MYO9A: variants seen among roughly 807,000 people sequenced by gnomAD.
MYO9A encodes myosin IXA.
A neutral mutation model predicts 293.3 loss-of-function variants in MYO9A; 103 were observed. The observed-to-expected ratio is 0.35, with a 90% CI of 0.30 to 0.41. The LOEUF is 0.41. Among genes scored for constraint, MYO9A ranks in the 10% least tolerant of loss-of-function variants. The pLI, the probability that MYO9A is intolerant of heterozygous loss-of-function variation, is 1.00. For synonymous variants in MYO9A, 1,001 were observed against 1,035.7 expected, an observed-to-expected ratio of 0.97 and a Z score of 0.64; for missense variants, 2,685 against 3,033.0, an observed-to-expected ratio of 0.89 and a Z score of 2.69.
intron 17 of MYO9A, 134 bp downstream of exon 17, chr15:71,935,207 C>A (rs1414626050): frequency 9.3e-6 from 9 of 964,524 alleles, no homozygotes; most frequent in Admixed American, 2.8e-5. Context: ...AACTTTGAGT[C>A]TTGTTTCAGT....
At chr15:71,829,459 C>T (rs1049896157) in intron 40 of MYO9A, among the ~76,000 whole-genome samples, 7 of 151,826 alleles carry the variant, frequency 4.6e-5, no homozygotes, top group Admixed American at 2.0e-4. Flanking sequence ...ATATTATCCC[C>T]AAGGCATACT....
intron 1 of MYO9A, among the ~76,000 whole-genome samples, chr15:72,062,752 A>AT (rs1380020377): frequency 6.6e-6 from 1 of 152,218 alleles, no homozygotes; most frequent in Non-Finnish European, 1.5e-5. Flanking sequence ...TGGGTGCTTT[A>AT]TCACACCTGT....
At chr15:71,888,952 T>C (rs1468492344) in intron 26 of MYO9A, among the ~76,000 whole-genome samples, 1 of 152,108 alleles carries the variant, frequency 6.6e-6, no homozygotes, top group Non-Finnish European at 1.5e-5. Context: ...GAAACCGCAA[T>C]GTTTAAAACA....
rs1191630041 is a variant in MYO9A at position 72,021,634 on chromosome 15, C to A, written c.999-617G>T. On this transcript the variant is annotated intron_variant, in intron 4 of 41. Coordinates refer to ENST00000356056, the MANE Select transcript of MYO9A (RefSeq NM_006901.4). ...ACTTCATATCATGCAAAGATCTTTT[C>A]CCCAGAGGCATCCATAGAAACTGAG... is the stretch of plus-strand genomic sequence containing the variant. Among the ~76,000 whole-genome samples the A allele has an allele frequency of 2.0e-5, 3 of 152,118 alleles. No homozygotes were observed. In the East Asian group the frequency reaches 5.8e-4, roughly 29 times the overall value.
At chr15:71,862,461 A>G in intron 33 of MYO9A, 39 bp downstream of exon 33, 1 of 1,442,020 alleles carries the variant, frequency 6.9e-7, no homozygotes, top group South Asian at 1.1e-5. Context: ...CAGAAATGTC[A>G]GTGGTTAAAA....
At chr15:72,087,229 G>T (rs1350169858) in intron 1 of MYO9A, among the ~76,000 whole-genome samples, 3 of 152,200 alleles carry the variant, frequency 2.0e-5, no homozygotes, top group African/African-American at 7.2e-5. Context: ...TGCTCAGGTT[G>T]ATGGGCAAGA....
intron 11 of MYO9A, among the ~76,000 whole-genome samples, chr15:71,987,320 G>T (rs1020404990): frequency 3.9e-5 from 6 of 152,132 alleles, no homozygotes; most frequent in Non-Finnish European, 8.8e-5. Context: ...CTTCTTTCCA[G>T]TTCACTGCTC....
chr15:71,883,180 C>T (rs1427625680), intron 28 of MYO9A, among the ~76,000 whole-genome samples: 1 of 152,178 alleles, frequency 6.6e-6, no homozygotes, highest in African/African-American at 2.4e-5. Context: ...TCTCAAAAAA[C>T]TGTTGTGAGG....
At chr15:72,055,792 A>T (rs191182668) in intron 1 of MYO9A, among the ~76,000 whole-genome samples, 2 of 148,582 alleles carry the variant, frequency 1.3e-5, no homozygotes, top group East Asian at 1.9e-4. Context: ...GAATGGCCAT[A>T]AAAAAAATCA....
intron 1 of MYO9A, among the ~76,000 whole-genome samples, chr15:72,112,772 A>G (rs530942203): frequency 6.6e-6 from 1 of 152,310 alleles, no homozygotes; most frequent in South Asian, 2.1e-4. Context: ...ATCCTCTATG[A>G]GCTGGATTAG....
chr15:71,822,681 A>G lies in MYO9A; in HGVS notation c.*3899T>C, dbSNP rs2054321775. The G allele has an allele frequency of 6.6e-6, 1 of 152,372 alleles. No individual in the cohort carries two copies. The allele number at this position is 152,372 out of a possible 1,614,324, so 9.4% of individuals were successfully genotyped here. On this transcript the variant is annotated 3_prime_UTR_variant, in exon 42 of 42. Coordinates refer to ENST00000356056, the MANE Select transcript of MYO9A (RefSeq NM_006901.4). Reference sequence around the variant, plus strand: ...CGAATCTGTAGTCCACACCTTTCCCATAGTAAATACAAATACTTGGTTCAA... The same window carrying G: ...CGAATCTGTAGTCCACACCTTTCCCGTAGTAAATACAAATACTTGGTTCAA...
At position 71,826,093 on chromosome 15, in the gene MYO9A, T is replaced by C. The variant is rs2054487893; in HGVS notation, c.*487A>G. ...CTTAAAATAGAGGGATTAGGCTTTT[T>C]GTTTGTAAGTAAGTTTTTGGAAAAA... On this transcript the variant is annotated 3_prime_UTR_variant, in exon 42 of 42. Transcript: ENST00000356056. 6.6e-6 allele frequency: 1 copy of C among 151,904 alleles called. No homozygotes were observed. Among genetic ancestry groups the C allele is most frequent in the South Asian group, 2.1e-4 (1 of 4,812 alleles). 9.4% of individuals were successfully genotyped at this position (151,904 alleles called of 1,614,324 possible). A position where few individuals can be genotyped will look rare whatever the true frequency, so the allele number is the denominator to read the frequency against.
At chr15:71,928,372 G>A (rs1452129871) in intron 18 of MYO9A, among the ~76,000 whole-genome samples, 2 of 151,810 alleles carry the variant, frequency 1.3e-5, no homozygotes, top group Admixed American at 6.6e-5. Context: ...ATCAGGTAGT[G>A]TGAGCCTCCA....
rs760563637 is a variant in MYO9A, at chr15:71,883,630, C to T, written c.5362G>A (p.Gly1788Ser). Residue 1788 changes from glycine to serine, a missense_variant, in exon 28 of 42, where the codon GGC becomes AGC. By Grantham distance (56) the Gly-to-Ser change is moderately conservative. Transcript: ENST00000356056. ...TQSEVSPLFAGTDVIPAHQFP... is the reference protein window; with the variant it reads ...TQSEVSPLFASTDVIPAHQFP... ...TGATGAGCTGGAATCACATCTGTGC[C>T]TGCAAAGAGTGGCGAAACCTCTGAC... is the stretch of plus-strand genomic sequence containing the variant. 6.2e-7 allele frequency: 1 copy of T among 1,613,542 alleles called. No homozygotes were observed. Among genetic ancestry groups the T allele is most frequent in the South Asian group, 1.1e-5 (1 of 91,024 alleles).
Position 71,876,763 on chromosome 15 carries a change from T to C in MYO9A, c.5932-925A>G, listed in dbSNP as rs549849162. 1.1e-4 allele frequency among the ~76,000 whole-genome samples: 16 copies of C among 152,238 alleles called. 1 individual carries two copies. In the South Asian group the frequency reaches 3.3e-3, roughly 32 times the overall value. ...GTTTTAAAGATTTTACTTCCCGTAT[T>C]TTAGCTGTAGAAAACTACCATGGAG... On this transcript the variant is annotated intron_variant, in intron 31 of 41. Coordinates refer to ENST00000356056, the MANE Select transcript of MYO9A (RefSeq NM_006901.4).
At chr15:71,933,905 A>C (rs531785556) in intron 17 of MYO9A, among the ~76,000 whole-genome samples, 196 bp from the exon 18 acceptor site, 1 of 152,260 alleles carries the variant, frequency 6.6e-6, no homozygotes, top group East Asian at 1.9e-4. Context: ...ATAAACAAGG[A>C]AAAGATACCT....
intron 28 of MYO9A, 57 bp downstream of exon 28, chr15:71,883,537 T>C: frequency 6.4e-7 from 1 of 1,556,120 alleles, no homozygotes; most frequent in East Asian, 2.3e-5. Flanking sequence ...ATAGCAAACT[T>C]TCAGAAAGAG....
chr15:72,077,744 A>AT (rs1567015428), intron 1 of MYO9A, among the ~76,000 whole-genome samples: 20 of 41,316 alleles, frequency 4.8e-4, no homozygotes, highest in African/African-American at 1.5e-3. Context: ...AAAAAAAAAA[A>AT]AAAAAAAAAT....
In MYO9A at chr15:71,898,941, C is replaced by A. The variant is rs1475740014; in HGVS notation, c.3562G>T (p.Gly1188Cys). Reference sequence around the variant, plus strand: ...TCCTCCCATCCTGAAGGGTCTGAACCCTGAATTTCCAGAGATCCATATCCC... The same window carrying A: ...TCCTCCCATCCTGAAGGGTCTGAACACTGAATTTCCAGAGATCCATATCCC... Reference protein sequence around the residue: ...IKGYGSLEIQGSDPSGWEDCS... With the variant: ...IKGYGSLEIQCSDPSGWEDCS... Residue 1188 changes from glycine to cysteine, a missense_variant, in exon 25 of 42, where the codon GGT (glycine) becomes TGT (cysteine). Physicochemically the swap from Gly to Cys is radical, Grantham distance 159 (BLOSUM62 -3). This residue lies in a region of MYO9A where 1,434 missense variants were observed against 1,497.7 expected (regional missense o/e 0.96). Transcript: ENST00000356056. 6.2e-7 allele frequency: 1 copy of A among 1,614,034 alleles called. No individual in the cohort carries two copies. Among genetic ancestry groups the A allele is most frequent in the Admixed American group, 1.7e-5 (1 of 60,016 alleles).
Sources: allele counts gnomAD v4.1 joint callset (sites outside exome capture counted in the v4.1 genomes callset), GRCh38; gene constraint gnomAD v4.1.1; regional missense constraint gnomAD v4.1.1; transcripts MANE v1.5; gene names NCBI Gene and HGNC (gene_info 2026-07-23, HGNC 2026-07-21).